Variants in ALPK3 observed in about 807,000 individuals in gnomAD.
ALPK3 encodes alpha-protein kinase 3.
A neutral mutation model predicts 140.0 loss-of-function variants in ALPK3; 102 were observed. The ratio of observed to expected loss-of-function variants is 0.73; its 90% CI spans 0.62 to 0.86. The LOEUF (loss-of-function observed/expected upper bound fraction) is 0.86. Among genes scored for constraint, ALPK3 ranks in the 40% least tolerant of loss-of-function variants. The pLI is 0.00. For missense variants in ALPK3, 2,254 were observed against 2,208.2 expected (o/e 1.02, Z -0.42); for synonymous variants, 938 against 898.5 (o/e 1.04, Z -0.79).
At chr15:84,841,036 G>T (rs1755927272) in intron 5 of ALPK3, 104 bp downstream of exon 5, 2 of 1,407,222 alleles carry the variant, frequency 1.4e-6, no homozygotes, top group Admixed American at 5.7e-5. Context: ...GCTATTTATA[G>T]AAAGGGGTGG....
intron 1 of ALPK3, among the ~76,000 whole-genome samples, chr15:84,820,429 G>A (rs1963408796): frequency 6.6e-6 from 1 of 152,012 alleles, no homozygotes; most frequent in African/African-American, 2.4e-5. Context: ...CAGCTTTCGT[G>A]GTCAGTTCTA....
At chr15:84,867,567 G>A (rs1238273968) in intron 13 of ALPK3, among the ~76,000 whole-genome samples, 1 of 152,006 alleles carries the variant, frequency 6.6e-6, no homozygotes, top group East Asian at 2.0e-4. Context: ...TATTACTGAT[G>A]CCACACATGG....
intron 1 of ALPK3, among the ~76,000 whole-genome samples, chr15:84,818,249 C>T (rs1963384969): frequency 1.3e-5 from 2 of 152,114 alleles, no homozygotes; most frequent in Admixed American, 6.5e-5. Context: ...AAGTGAAATG[C>T]CAAGGGAGGT....
intron 2 of ALPK3, among the ~76,000 whole-genome samples, chr15:84,823,987 G>A (rs910975350): frequency 6.6e-5 from 10 of 152,226 alleles, no homozygotes; most frequent in African/African-American, 2.4e-4. Flanking sequence ...GGGATTACAG[G>A]CGTAAGCCAC....
At chr15:84,860,157 C>G in intron 9 of ALPK3, 85 bp downstream of exon 9, 1 of 1,500,268 alleles carries the variant, frequency 6.7e-7, no homozygotes, top group South Asian at 1.1e-5. Flanking sequence ...GGAATCTGGT[C>G]CCAATCCACA....
At chr15:84,853,382 G>C (rs1963827598) in intron 5 of ALPK3, among the ~76,000 whole-genome samples, 1 of 152,192 alleles carries the variant, frequency 6.6e-6, no homozygotes, top group Non-Finnish European at 1.5e-5. Flanking sequence ...GGAGGCCGAG[G>C]TGGGTAGATC....
In ALPK3 at chr15:84,868,227, C is replaced by T. The variant is rs748424712; in HGVS notation, c.4889C>T (p.Ala1630Val). 23 of 1,614,154 alleles carry T rather than the reference C, an allele frequency of 1.4e-5. No individual in the cohort carries two copies. The highest frequency in any genetic ancestry group is 1.7e-5 in the Non-Finnish European group (20 of 1,180,014). ...LGLTPLKGPE[A>V]AHPQAKAKGS... ...CTGACACCTCTCAAGGGCCCGGAGG[C>T]GGCCCACCCCCAAGCCAAAGCCAAA... Residue 1630 changes from alanine to valine, a missense_variant, in exon 14 of 14, where the codon GCG (alanine) becomes GTG (valine). Ala to Val is a moderately conservative substitution (Grantham distance 64). This residue lies in a region of ALPK3 where 158 missense variants were observed against 159.8 expected (regional missense o/e 0.99). Transcript: ENST00000258888.
At chr15:84,855,507 G>A (rs1963851011) in intron 5 of ALPK3, among the ~76,000 whole-genome samples, 3 of 152,096 alleles carry the variant, frequency 2.0e-5, no homozygotes, top group Admixed American at 2.0e-4. Context: ...TGATATCTTG[G>A]AGGAAAAAAG....
chr15:84,831,284 TG>T (rs1428002070), intron 3 of ALPK3, among the ~76,000 whole-genome samples: 1 of 152,200 alleles, frequency 6.6e-6, no homozygotes, highest in African/African-American at 2.4e-5. Context: ...TGCTTTCAGT[TG>T]GAAACGGAGA....
chr15:84,831,420 C>T (rs1484168952), intron 3 of ALPK3, among the ~76,000 whole-genome samples: 1 of 152,148 alleles, frequency 6.6e-6, no homozygotes, highest in Non-Finnish European at 1.5e-5. Flanking sequence ...ATTCCCCTTT[C>T]ATCTATTTGT....
At chr15:84,825,649 A>G (rs1230390987) in intron 2 of ALPK3, among the ~76,000 whole-genome samples, 1 of 152,236 alleles carries the variant, frequency 6.6e-6, no homozygotes. Context: ...TGGATGAGAT[A>G]GGATTCAAAT....
At chr15:84,858,885 T>C (rs1963903067) in intron 6 of ALPK3, among the ~76,000 whole-genome samples, 1 of 152,220 alleles carries the variant, frequency 6.6e-6, no homozygotes, top group Non-Finnish European at 1.5e-5. Context: ...TTTACAGAGA[T>C]GTCGCATGAT....
chr15:84,827,656 G>A, intron 3 of ALPK3, 51 bp downstream of exon 3: 1 of 1,601,120 alleles, frequency 6.2e-7, no homozygotes, highest in South Asian at 1.1e-5. Context: ...ACAGAGCAGG[G>A]TCCAAGGAGG....
In ALPK3 at chr15:84,864,295, C is replaced by G. The variant is rs534654773; in HGVS notation, c.4500-147C>G. On this transcript the variant is annotated intron_variant, in intron 11 of 13. Transcript: ENST00000258888. ...CTTTCCCAAACTCAGGGTGGAGCTG[C>G]TTTCCTTTGCTGTCCTTTGGGCTCG... The G allele has an allele frequency of 5.8e-5, 47 of 808,062 alleles. 3 individuals carry two copies. The highest frequency in any genetic ancestry group is 5.8e-4 in the South Asian group (32 of 55,428). 50.1% of individuals were successfully genotyped at this position (808,062 alleles called of 1,614,324 possible).
At chr15:84,831,687 C>T (rs529808387) in intron 3 of ALPK3, among the ~76,000 whole-genome samples, 1 of 152,156 alleles carries the variant, frequency 6.6e-6, no homozygotes, top group Non-Finnish European at 1.5e-5. Flanking sequence ...CGATTGTAGG[C>T]TTTCCTCCCA....
At chr15:84,867,261 T>TG in intron 12 of ALPK3, 56 bp from the exon 13 acceptor site, 2 of 1,539,544 alleles carry the variant, frequency 1.3e-6, no homozygotes, top group African/African-American at 1.4e-5. Context: ...GCTGGAGATG[T>TG]GGGGGCTTAG....
In ALPK3 at chr15:84,857,411, C is replaced by T. The variant is rs763448517; in HGVS notation, c.2673C>T (p.His891=). Reference sequence around the variant, plus strand: ...CGTGTAGCACCCCGACTTCTCAGCACGGGAGCACAGCCACCTTCCTGCCCT... The same window carrying T: ...CGTGTAGCACCCCGACTTCTCAGCATGGGAGCACAGCCACCTTCCTGCCCT... ...AGPCSTPTSQ[H]GSTATFLPSE... is the part of the protein sequence containing the mutation. Residue 891 remains histidine, a synonymous_variant, in exon 6 of 14, where the codon CAC becomes CAT. Coordinates refer to ENST00000258888, the MANE Select transcript of ALPK3 (RefSeq NM_020778.5). 3.2e-5 allele frequency: 52 copies of T among 1,613,972 alleles called. No homozygotes were observed. The highest frequency in any genetic ancestry group is 3.9e-5 in the Non-Finnish European group (46 of 1,180,038).
At chr15:84,843,082 C>T (rs1242363153) in intron 5 of ALPK3, among the ~76,000 whole-genome samples, 1 of 152,186 alleles carries the variant, frequency 6.6e-6, no homozygotes, top group Non-Finnish European at 1.5e-5. Context: ...GTACCAGCCC[C>T]CTCTTCCTTG....
intron 1 of ALPK3, among the ~76,000 whole-genome samples, chr15:84,819,705 A>G (rs1315789831): frequency 6.6e-6 from 1 of 152,214 alleles, no homozygotes; most frequent in African/African-American, 2.4e-5. Context: ...TGACTATGCC[A>G]GAGTCCTGAC....
Sources: gnomAD v4.1 joint callset for allele counts (sites outside exome capture counted in the v4.1 genomes callset) on GRCh38, gnomAD v4.1.1 for gene constraint, gnomAD v4.1.1 regional missense constraint, MANE v1.5 for transcripts, NCBI Gene and HGNC (gene_info 2026-07-23, HGNC 2026-07-21) for gene names.